Variants in SUGCT observed in about 807,000 individuals in gnomAD.
SUGCT encodes the protein succinyl-CoA:glutarate CoA-transferase.
A neutral mutation model predicts 55.0 loss-of-function variants in SUGCT; 41 were observed. The ratio of observed to expected loss-of-function variants is 0.74; its 90% CI spans 0.58 to 0.97. The LOEUF is 0.97. SUGCT is among the 50% of genes least tolerant of loss of function. The pLI, the probability that SUGCT is intolerant of heterozygous loss-of-function variation, is 0.00. For missense variants in SUGCT, 568 were observed against 547.8 expected (o/e 1.04, Z -0.37); for synonymous variants, 187 against 200.4 (o/e 0.93, Z 0.56).
At chr7:40,894,851 A>G in the SUGCT span, among the ~76,000 whole-genome samples, 1 of 152,228 alleles carries the variant, frequency 6.6e-6, no homozygotes, top group Non-Finnish European at 1.5e-5. Flanking sequence ...GAACACTTAT[A>G]CACTGCTGGT....
rs569760148 is a variant in SUGCT, at chr7:40,672,353, A to G, written c.1090-77081A>G. The stretch of plus-strand genomic sequence containing the variant: ...CCTCTGTGAGATACTTTATTAAGAG[A>G]TGAAAAGACAAGTTACAGAATGTAA... On this transcript the variant is annotated intron_variant, in intron 12 of 13. Transcript: ENST00000335693. Among the ~76,000 whole-genome samples, 5 of 152,356 alleles carry G rather than the reference A, an allele frequency of 3.3e-5. No homozygotes were observed. In the East Asian group the frequency reaches 9.6e-4, roughly 29 times the overall value.
intron 12 of SUGCT, among the ~76,000 whole-genome samples, chr7:40,668,756 A>G (rs1258050325): frequency 1.3e-5 from 2 of 152,194 alleles, no homozygotes; most frequent in African/African-American, 4.8e-5. Context: ...GAAAGCTCCA[A>G]GAACACCAAA....
At chr7:40,437,953 C>A (rs1788264726) in intron 9 of SUGCT, among the ~76,000 whole-genome samples, 1 of 151,916 alleles carries the variant, frequency 6.6e-6, no homozygotes. Flanking sequence ...ATACTAGATG[C>A]ACTGATGAAG....
chr7:40,279,823 C>T (rs1424874665), intron 8 of SUGCT, among the ~76,000 whole-genome samples: 1 of 151,880 alleles, frequency 6.6e-6, no homozygotes, highest in Non-Finnish European at 1.5e-5. Context: ...TTCAAAAAAG[C>T]GTAACAGGAA....
intron 12 of SUGCT, among the ~76,000 whole-genome samples, chr7:40,508,710 A>T (rs1792750555): frequency 6.6e-6 from 1 of 150,724 alleles, no homozygotes; most frequent in South Asian, 2.1e-4. Context: ...ATTTCAGTTT[A>T]AAAAAAAAAT....
chr7:40,588,048 G>A (rs766090512), intron 12 of SUGCT, among the ~76,000 whole-genome samples: 58 of 151,596 alleles, frequency 3.8e-4, no homozygotes, highest in South Asian at 1.3e-3. Flanking sequence ...AATTACAGGC[G>A]TGTGCCACCA....
At chr7:40,487,178 A>G (rs1242669376) in intron 11 of SUGCT, among the ~76,000 whole-genome samples, 2 of 133,422 alleles carry the variant, frequency 1.5e-5, no homozygotes, top group East Asian at 4.3e-4. Context: ...TCCACCGCCC[A>G]GGTTCAAGTG....
At chr7:40,484,748 T>C (rs901777401) in intron 11 of SUGCT, among the ~76,000 whole-genome samples, 2 of 152,154 alleles carry the variant, frequency 1.3e-5, no homozygotes, top group African/African-American at 2.4e-5. Context: ...AATGTAGCAC[T>C]AAGATACTGT....
At chr7:40,637,703 A>G (rs555653892) in intron 12 of SUGCT, among the ~76,000 whole-genome samples, 11 of 152,252 alleles carry the variant, frequency 7.2e-5, no homozygotes, top group African/African-American at 2.4e-4. Flanking sequence ...GCTGTCATGT[A>G]TTTACCTCTC....
chr7:40,639,229 C>T (rs974455951), intron 12 of SUGCT, among the ~76,000 whole-genome samples: 3 of 152,142 alleles, frequency 2.0e-5, no homozygotes, highest in Non-Finnish European at 4.4e-5. Flanking sequence ...CGGGCTAGAT[C>T]GTAAACTGTG....
intron 6 of SUGCT, among the ~76,000 whole-genome samples, chr7:40,233,132 G>T (rs58874250): frequency 0.022 from 3,400 of 151,772 alleles, 116 homozygotes; most frequent in African/African-American, 0.078. Flanking sequence ...TCATAGTACT[G>T]GTAGTCAGTA....
chr7:40,434,628 A>G (rs1788073942), intron 9 of SUGCT, among the ~76,000 whole-genome samples: 1 of 152,172 alleles, frequency 6.6e-6, no homozygotes, highest in African/African-American at 2.4e-5. Flanking sequence ...CTAATCATAT[A>G]GTAGTAATTT....
chr7:40,406,912 C>T (rs1055384819), intron 9 of SUGCT, among the ~76,000 whole-genome samples: 2 of 152,104 alleles, frequency 1.3e-5, no homozygotes, highest in African/African-American at 4.8e-5. Flanking sequence ...AAGGATCCCT[C>T]AGCTATTTTT....
intron 12 of SUGCT, among the ~76,000 whole-genome samples, chr7:40,530,710 C>G (rs1361269646): frequency 6.6e-6 from 1 of 152,214 alleles, no homozygotes; most frequent in Non-Finnish European, 1.5e-5. Context: ...CAAATGAAGT[C>G]ACATCATTGT....
intron 12 of SUGCT, among the ~76,000 whole-genome samples, chr7:40,594,665 G>A (rs1441188076): frequency 1.3e-5 from 2 of 152,132 alleles, no homozygotes; most frequent in Non-Finnish European, 2.9e-5. Flanking sequence ...GAGAACAGCT[G>A]GGGACACCCC....
chr7:40,250,417 T>C (rs1425715593), intron 7 of SUGCT, among the ~76,000 whole-genome samples: 1 of 151,360 alleles, frequency 6.6e-6, no homozygotes, highest in Non-Finnish European at 1.5e-5. Context: ...TTTAAAGTAA[T>C]TATTCTTATA....
At chr7:40,404,177 C>T (rs1786235239) in intron 9 of SUGCT, among the ~76,000 whole-genome samples, 1 of 152,206 alleles carries the variant, frequency 6.6e-6, no homozygotes, top group Non-Finnish European at 1.5e-5. Flanking sequence ...GGAAACTCCA[C>T]TTCTGGGTGA....
chr7:40,671,670 T>A (rs1438170724), intron 12 of SUGCT, among the ~76,000 whole-genome samples: 1 of 152,182 alleles, frequency 6.6e-6, no homozygotes, highest in African/African-American at 2.4e-5. Context: ...ATATAGCACT[T>A]GTATGTTACA....
At chr7:40,608,958 G>A (rs920219324) in intron 12 of SUGCT, among the ~76,000 whole-genome samples, 2 of 152,064 alleles carry the variant, frequency 1.3e-5, no homozygotes, top group African/African-American at 4.8e-5. Flanking sequence ...ATGCCAGTTT[G>A]TCTTTCTGAT....
Sources: gnomAD v4.1 joint callset for allele counts (sites outside exome capture counted in the v4.1 genomes callset) on GRCh38, gnomAD v4.1.1 for gene constraint, MANE v1.5 for transcripts, NCBI Gene and HGNC (gene_info 2026-07-23, HGNC 2026-07-21) for gene names.